LRSAM1: variants seen among roughly 807,000 people sequenced by gnomAD.
LRSAM1 encodes E3 ubiquitin-protein ligase LRSAM1.
Under a neutral mutation model 118.1 loss-of-function variants are expected in LRSAM1, and 96 were observed. The ratio of observed to expected loss-of-function variants is 0.81; its 90% CI spans 0.69 to 0.96. The LOEUF is 0.96. Among genes scored for constraint, LRSAM1 ranks in the 40% least tolerant of loss-of-function variants. The pLI is 0.00. For synonymous variants in LRSAM1, 322 were observed against 364.2 expected (o/e 0.88, Z 1.32); for missense variants, 804 against 915.5 (o/e 0.88, Z 1.57).
chr9:127,462,195 C>T, intron 8 of LRSAM1, 57 bp from the exon 9 acceptor site: 1 of 1,611,006 alleles, frequency 6.2e-7, no homozygotes, highest in Non-Finnish European at 8.5e-7. Context: ...GGGCATCAGG[C>T]AGGAAGCTGG....
chr9:127,463,118 G>C (rs968149776), intron 9 of LRSAM1, among the ~76,000 whole-genome samples: 4 of 148,898 alleles, frequency 2.7e-5, no homozygotes, highest in African/African-American at 9.9e-5. Context: ...AGAATTGCTT[G>C]AACCCGGGAG....
intron 2 of LRSAM1, chr9:127,452,404 G>A (rs1450681125): frequency 6.6e-6 from 1 of 152,280 alleles, no homozygotes; most frequent in Non-Finnish European, 1.5e-5. Flanking sequence ...GGCTCTGCAG[G>A]CCTGGCTGCC....
At chr9:127,453,724 G>A (rs554855758) in intron 2 of LRSAM1, 1 of 152,698 alleles carries the variant, frequency 6.5e-6, no homozygotes, top group South Asian at 2.1e-4. Context: ...CCCAACCCAG[G>A]TCATCTGGCT....
In LRSAM1 at chr9:127,478,926, C is replaced by G. The variant is rs367823841; in HGVS notation, c.751-8C>G. On this transcript the variant is annotated splice_polypyrimidine_tract_variant and splice_region_variant and intron_variant, in intron 11 of 25. Transcript: ENST00000300417. ...CCTCTCTTGACCACTGTCTTTTTTT[C>G]CTCCCAGAACAGGTTCTCAGACTAT... 1.5e-4 allele frequency: 249 copies of G among 1,613,966 alleles called. 1 individual carries two copies. The highest frequency in any genetic ancestry group is 9.7e-4 in the South Asian group (88 of 91,072).
At chr9:127,501,571 A>C (rs1162364081) in intron 25 of LRSAM1, among the ~76,000 whole-genome samples, 1 of 151,954 alleles carries the variant, frequency 6.6e-6, no homozygotes, top group Non-Finnish European at 1.5e-5. Context: ...ATCTCTACTA[A>C]AAATACAAAA....
At chr9:127,491,189 A>G (rs1444698818) in intron 19 of LRSAM1, 26 bp from the exon 20 acceptor site, 1 of 1,603,198 alleles carries the variant, frequency 6.2e-7, no homozygotes, top group Non-Finnish European at 8.5e-7. Flanking sequence ...TGAGTAAAAA[A>G]AAACCCTGTC....
intron 8 of LRSAM1, 75 bp downstream of exon 8, chr9:127,461,332 C>A: frequency 7.2e-7 from 1 of 1,388,936 alleles, no homozygotes; most frequent in Non-Finnish European, 1.0e-6. Context: ...CACAGGCTGC[C>A]CCGCCCGGGA....
At chr9:127,468,927 G>GCCA (rs1367325441) in intron 10 of LRSAM1, among the ~76,000 whole-genome samples, 2 of 151,352 alleles carry the variant, frequency 1.3e-5, no homozygotes, top group Non-Finnish European at 2.9e-5. Context: ...CTGTGGTCAT[G>GCCA]CCACTGCACT....
At chr9:127,459,129 C>T (rs1182153857) in intron 7 of LRSAM1, 58 bp downstream of exon 7, 4 of 1,530,890 alleles carry the variant, frequency 2.6e-6, no homozygotes, top group Non-Finnish European at 3.6e-6. Flanking sequence ...CAGGCAGTCA[C>T]TCAAGCCTGG....
intron 9 of LRSAM1, 59 bp from the exon 10 acceptor site, chr9:127,467,681 G>C: frequency 1.4e-6 from 2 of 1,470,936 alleles, no homozygotes; most frequent in Non-Finnish European, 1.9e-6. Flanking sequence ...TAAGGAAATC[G>C]TGTGGTCTCC....
Position 127,478,966 on chromosome 9 carries a change from A to T in LRSAM1, c.780+3A>T. ...TCTCAGACTATGAGAAGAGGAAGGT[A>T]AGAAAATGCCTTTACCCTTCTGTCA... is the stretch of plus-strand genomic sequence containing the variant. On this transcript the variant is annotated splice_donor_region_variant and intron_variant, in intron 12 of 25. Transcript: ENST00000300417. The T allele has an allele frequency of 1.2e-6, 2 of 1,613,388 alleles. No individual in the cohort carries two copies. The highest frequency in any genetic ancestry group is 2.7e-5 in the African/African-American group (2 of 75,044).
chr9:127,499,567 C>T (rs529837418), intron 24 of LRSAM1, among the ~76,000 whole-genome samples: 93 of 151,396 alleles, frequency 6.1e-4, no homozygotes, highest in Middle Eastern at 3.4e-3. Context: ...TGAATGCCCC[C>T]TCGAAATGGT....
intron 9 of LRSAM1, among the ~76,000 whole-genome samples, chr9:127,467,432 T>G (rs991099420): frequency 6.6e-6 from 1 of 152,074 alleles, no homozygotes; most frequent in East Asian, 1.9e-4. Flanking sequence ...TTTACACTAG[T>G]TATGCCCTTA....
At chr9:127,478,384 A>C (rs982600110) in intron 11 of LRSAM1, among the ~76,000 whole-genome samples, 3 of 152,216 alleles carry the variant, frequency 2.0e-5, no homozygotes, top group Non-Finnish European at 4.4e-5. Context: ...CATGCTACAC[A>C]CAGGTGAGGG....
At chr9:127,486,653 G>A (rs919823157) in intron 17 of LRSAM1, 1 of 152,286 alleles carries the variant, frequency 6.6e-6, no homozygotes, top group East Asian at 1.9e-4. Context: ...AAACAGACCT[G>A]GATCCAGGTC....
At chr9:127,452,264 G>A (rs377684556) in intron 2 of LRSAM1, 180 bp downstream of exon 2, 3 of 152,512 alleles carry the variant, frequency 2.0e-5, no homozygotes, top group African/African-American at 4.8e-5. Flanking sequence ...CATCAGGAAG[G>A]GGGTGCAAGA....
At chr9:127,493,367 TG>T (rs1836007144) in intron 21 of LRSAM1, among the ~76,000 whole-genome samples, 1 of 152,230 alleles carries the variant, frequency 6.6e-6, no homozygotes, top group Non-Finnish European at 1.5e-5. Flanking sequence ...TAGCCTCTCC[TG>T]CGGTTTTGAT....
chr9:127,485,028 G>A (rs1445903654), intron 16 of LRSAM1, among the ~76,000 whole-genome samples: 2 of 151,904 alleles, frequency 1.3e-5, no homozygotes, highest in South Asian at 4.2e-4. Flanking sequence ...GGCTGGTCTC[G>A]AACTCCTGAC....
At chr9:127,491,403 T>G (rs1835928793) in intron 20 of LRSAM1, 108 bp downstream of exon 20, 9 of 835,786 alleles carry the variant, frequency 1.1e-5, no homozygotes, top group Non-Finnish European at 1.8e-5. Context: ...GTCAAGGGCT[T>G]CCCCAGCAGA....
Sources: gnomAD v4.1 joint callset for allele counts (sites outside exome capture counted in the v4.1 genomes callset) on GRCh38, gnomAD v4.1.1 for gene constraint, MANE v1.5 for transcripts, NCBI Gene and HGNC (gene_info 2026-07-23, HGNC 2026-07-21) for gene names.